The following MED12L variants were observed in gnomAD, a reference collection of about 807,000 sequenced individuals.
The protein encoded by MED12L is mediator complex subunit 12L.
In MED12L, 60 loss-of-function variants were observed where a neutral mutation model predicts 281.3. The observed-to-expected ratio is 0.21, with a 90% CI of 0.17 to 0.26. MED12L has a LOEUF of 0.26. MED12L is among the 10% of genes least tolerant of loss of function. The pLI is 1.00. For synonymous variants in MED12L, 974 were observed against 987.2 expected (o/e 0.99, Z 0.25); for missense variants, 2,146 against 2,680.9 (o/e 0.80, Z 4.41).
rs143555398 is a variant in MED12L at position 151,307,083 on chromosome 3, A to C, written c.2251-42976A>C. Among the ~76,000 whole-genome samples the C allele has an allele frequency of 1.9e-3, 285 of 152,344 alleles. 1 individual carries two copies. The highest frequency in any genetic ancestry group is 3.4e-3 in the Middle Eastern group (1 of 294). The stretch of plus-strand genomic sequence containing the variant: ...TTTTTGTGGTAAAGAGATAGTCTTC[A>C]CAAAAGCCATCTGATAGAAAGTTTA... On this transcript the variant is annotated intron_variant, in intron 16 of 44. Coordinates refer to ENST00000687756, the MANE Select transcript of MED12L (RefSeq NM_001393769.1).
intron 3 of MED12L, among the ~76,000 whole-genome samples, chr3:151,121,543 G>A (rs982490821): frequency 1.3e-5 from 2 of 152,124 alleles, no homozygotes; most frequent in Non-Finnish European, 2.9e-5. Flanking sequence ...AACAGGGTAA[G>A]TATTTTATTT....
chr3:151,135,858 A>T (rs1032290389), intron 5 of MED12L, among the ~76,000 whole-genome samples: 4 of 152,250 alleles, frequency 2.6e-5, no homozygotes, highest in African/African-American at 9.6e-5. Context: ...TAGAGAAAGA[A>T]ATATGAAACT....
intron 16 of MED12L, among the ~76,000 whole-genome samples, chr3:151,299,240 A>C (rs1745526165): frequency 6.6e-6 from 1 of 152,116 alleles, no homozygotes; most frequent in African/African-American, 2.4e-5. Context: ...TCACTGCTCT[A>C]CCTGCCAGGT....
intron 3 of MED12L, among the ~76,000 whole-genome samples, chr3:151,118,896 A>G (rs1713297250): frequency 6.6e-6 from 1 of 152,196 alleles, no homozygotes; most frequent in Admixed American, 6.5e-5. Context: ...CATGTTGGCC[A>G]GGATGGTCTC....
chr3:151,406,424 G>C (rs1716313665), intron 39 of MED12L, among the ~76,000 whole-genome samples: 1 of 152,178 alleles, frequency 6.6e-6, no homozygotes, highest in African/African-American at 2.4e-5. Context: ...GGAGAGATTA[G>C]GGTGTTTTCT....
intron 2 of MED12L, among the ~76,000 whole-genome samples, chr3:151,089,340 C>T (rs1189841067): frequency 6.6e-6 from 1 of 151,722 alleles, no homozygotes; most frequent in Non-Finnish European, 1.5e-5. Flanking sequence ...CAGTTGTGTT[C>T]CATTAGAGAT....
At chr3:151,120,252 A>T (rs140138463) in intron 3 of MED12L, among the ~76,000 whole-genome samples, 2 of 151,822 alleles carry the variant, frequency 1.3e-5, no homozygotes, top group African/African-American at 4.8e-5. Flanking sequence ...AAAAACCAAA[A>T]ACAAACAAAA....
chr3:151,351,981 A>G (rs891956341), intron 17 of MED12L, among the ~76,000 whole-genome samples: 4 of 152,198 alleles, frequency 2.6e-5, no homozygotes, highest in African/African-American at 7.2e-5. Context: ...CAGGTGAGGT[A>G]TTCCTTATAC....
chr3:151,087,094 G>A (rs192575859), intron 2 of MED12L, 69 bp downstream of exon 2: 34 of 1,297,474 alleles, frequency 2.6e-5, no homozygotes, highest in Admixed American at 1.2e-4. Context: ...GGCCAAGTTG[G>A]CCCAGCGGGC....
At chr3:151,313,629 G>A (rs1377885807) in intron 16 of MED12L, among the ~76,000 whole-genome samples, 2 of 151,912 alleles carry the variant, frequency 1.3e-5, no homozygotes, top group African/African-American at 2.4e-5. Context: ...GTGGATCACC[G>A]GGTCAAGAGA....
intron 16 of MED12L, chr3:151,278,553 C>A (rs981426199): frequency 2.0e-5 from 3 of 152,230 alleles, no homozygotes; most frequent in Non-Finnish European, 4.4e-5. Flanking sequence ...GAGCTAGTTC[C>A]TTTCCTCCAG....
At chr3:151,432,667 A>G in intron 44 of MED12L, 85 bp from the exon 45 acceptor site, 1 of 956,238 alleles carries the variant, frequency 1.0e-6, no homozygotes, top group South Asian at 1.4e-5. Context: ...TGCAGCTGGT[A>G]CTGAGAGCAG....
chr3:151,418,978 G>A (rs544932899), intron 43 of MED12L, among the ~76,000 whole-genome samples: 1 of 152,062 alleles, frequency 6.6e-6, no homozygotes, highest in African/African-American at 2.4e-5. Context: ...ACCCAAAATC[G>A]CTTCAAGCAT....
At chr3:151,156,696 G>A (rs994276861) in intron 6 of MED12L, among the ~76,000 whole-genome samples, 5 of 152,172 alleles carry the variant, frequency 3.3e-5, no homozygotes, top group East Asian at 1.9e-4. Context: ...TTAGACCTAA[G>A]TTGTTCCAGA....
In MED12L at chr3:151,338,303, C is replaced by T. The variant is rs751218750; in HGVS notation, c.2251-11756C>T. The T allele has an allele frequency of 1.3e-4, 216 of 1,614,074 alleles. No homozygotes were observed. In the East Asian group the frequency reaches 4.6e-3, roughly 35 times the overall value. On this transcript the variant is annotated intron_variant, in intron 16 of 44. Transcript: ENST00000687756. ...CTATTTCATGCCAGACTAGACCGAA[C>T]TCTGATTTAAGGAAAGAGCATTTCT... is the stretch of plus-strand genomic sequence containing the variant.
chr3:151,409,353 G>T, intron 40 of MED12L, 21 bp downstream of exon 40: 1 of 1,608,942 alleles, frequency 6.2e-7, no homozygotes, highest in Non-Finnish European at 8.5e-7. Flanking sequence ...TTGCTTTGTA[G>T]GTACTGACAG....
At chr3:151,226,871 A>G (rs1233484974) in intron 16 of MED12L, among the ~76,000 whole-genome samples, 1 of 152,216 alleles carries the variant, frequency 6.6e-6, no homozygotes, top group Admixed American at 6.5e-5. Flanking sequence ...TCGGACTATC[A>G]TGAATGGTGA....
At chr3:151,373,826 TCAACTATTCCTCCAA>T (rs1447732617) in intron 27 of MED12L, among the ~76,000 whole-genome samples, 1 of 152,130 alleles carries the variant, frequency 6.6e-6, no homozygotes, top group Non-Finnish European at 1.5e-5. Context: ...GGGCCTGGAA[TCAACTATTCCTCCAA>T]GGAGCCCTTG....
intron 16 of MED12L, chr3:151,328,445 T>G (rs779910558): frequency 6.2e-7 from 1 of 1,613,738 alleles, no homozygotes; most frequent in African/African-American, 1.3e-5. Flanking sequence ...TTGATGCCAT[T>G]TCAGCCCCAG....
Sources: allele counts gnomAD v4.1 joint callset (sites outside exome capture counted in the v4.1 genomes callset), GRCh38; gene constraint gnomAD v4.1.1; transcripts MANE v1.5; gene names NCBI Gene and HGNC (gene_info 2026-07-23, HGNC 2026-07-21).